STXBP5L: variants seen among roughly 807,000 people sequenced by gnomAD.
STXBP5L encodes syntaxin binding protein 5L.
In STXBP5L, 65 loss-of-function variants were observed where a neutral mutation model predicts 144.5. The ratio of observed to expected loss-of-function variants is 0.45; its 90% CI spans 0.37 to 0.55. The LOEUF (loss-of-function observed/expected upper bound fraction) is 0.55, where lower values mean the gene tolerates loss of function less well. STXBP5L is among the 20% of genes least tolerant of loss of function. The pLI is 0.00. For missense variants in STXBP5L, 1,298 were observed against 1,405.5 expected (o/e 0.92, Z 1.22); for synonymous variants, 505 against 469.6 (o/e 1.08, Z -0.97).
At chr3:121,096,898 A>C (rs764986013) in intron 5 of STXBP5L, among the ~76,000 whole-genome samples, 7 of 152,162 alleles carry the variant, frequency 4.6e-5, no homozygotes, top group Non-Finnish European at 7.3e-5. Flanking sequence ...TGCTCTCTTC[A>C]GAGCTGTCAG....
At chr3:121,102,748 AC>A (rs1444189206) in intron 5 of STXBP5L, among the ~76,000 whole-genome samples, 4 of 152,130 alleles carry the variant, frequency 2.6e-5, no homozygotes, top group Non-Finnish European at 4.4e-5. Context: ...ATAAACTGTC[AC>A]CAGAAGAAAC....
chr3:121,293,471 CATTA>C (rs2051524482), intron 19 of STXBP5L, among the ~76,000 whole-genome samples: 1 of 151,884 alleles, frequency 6.6e-6, no homozygotes, highest in Non-Finnish European at 1.5e-5. Context: ...ATTTTATAAA[CATTA>C]ATTAAACCTT....
intron 9 of STXBP5L, among the ~76,000 whole-genome samples, chr3:121,183,727 G>A (rs891035449): frequency 1.3e-5 from 2 of 152,068 alleles, no homozygotes; most frequent in African/African-American, 4.8e-5. Flanking sequence ...GAAAGAGAAA[G>A]TCTCCTCAAG....
chr3:121,166,613 G>T (rs1045009956), intron 9 of STXBP5L, among the ~76,000 whole-genome samples: 4 of 152,134 alleles, frequency 2.6e-5, no homozygotes, highest in Admixed American at 1.3e-4. Flanking sequence ...CTATTCTAAT[G>T]TCTGCATTTA....
chr3:120,908,565 G>C (rs1174860356), intron 1 of STXBP5L, among the ~76,000 whole-genome samples: 1 of 151,750 alleles, frequency 6.6e-6, no homozygotes, highest in Non-Finnish European at 1.5e-5. Flanking sequence ...TCGGCGTGAG[G>C]TGTTTGTGTG....
chr3:121,104,243 T>G (rs1053000904), intron 5 of STXBP5L, among the ~76,000 whole-genome samples: 7 of 152,010 alleles, frequency 4.6e-5, no homozygotes, highest in Non-Finnish European at 8.8e-5. Context: ...AATCAAGAAA[T>G]AATAGAATAC....
chr3:121,362,382 G>A (rs937556656), intron 20 of STXBP5L, among the ~76,000 whole-genome samples: 4 of 152,130 alleles, frequency 2.6e-5, no homozygotes, highest in Admixed American at 6.6e-5. Context: ...GGGTGGCAAG[G>A]CCCCCTAGGT....
At chr3:121,155,246 C>A (rs1577074556) in intron 8 of STXBP5L, among the ~76,000 whole-genome samples, 1 of 151,800 alleles carries the variant, frequency 6.6e-6, no homozygotes, top group Non-Finnish European at 1.5e-5. Flanking sequence ...TCTACACATT[C>A]CCCACATTTC....
chr3:121,187,407 G>C (rs917026234), intron 9 of STXBP5L, among the ~76,000 whole-genome samples: 1 of 144,698 alleles, frequency 6.9e-6, no homozygotes, highest in Non-Finnish European at 1.5e-5. Context: ...GTTGTAGGGT[G>C]GGGGGAGCGG....
intron 2 of STXBP5L, among the ~76,000 whole-genome samples, chr3:120,941,285 TCTA>T (rs1710553910): frequency 1.3e-5 from 2 of 151,810 alleles, no homozygotes; most frequent in South Asian, 4.1e-4. Context: ...TAAAGAATAA[TCTA>T]CTTTTAATCT....
At chr3:121,077,402 G>C (rs1267495086) in intron 5 of STXBP5L, among the ~76,000 whole-genome samples, 1 of 152,090 alleles carries the variant, frequency 6.6e-6, no homozygotes, top group African/African-American at 2.4e-5. Flanking sequence ...CTGATGTTTG[G>C]ATGTGTTCGG....
intron 18 of STXBP5L, among the ~76,000 whole-genome samples, chr3:121,264,332 A>G (rs1277506977): frequency 6.6e-6 from 1 of 152,214 alleles, no homozygotes; most frequent in African/African-American, 2.4e-5. Flanking sequence ...TTCTTCTCCA[A>G]CTGTGAGCTT....
chr3:121,097,112 C>T (rs1559740334), intron 5 of STXBP5L, among the ~76,000 whole-genome samples: 1 of 152,332 alleles, frequency 6.6e-6, no homozygotes, highest in East Asian at 1.9e-4. Context: ...AACTTCCTGG[C>T]TGCTTTGTTT....
At chr3:120,913,178 G>A (rs1028617004) in intron 2 of STXBP5L, among the ~76,000 whole-genome samples, 1 of 151,884 alleles carries the variant, frequency 6.6e-6, no homozygotes, top group African/African-American at 2.4e-5. Flanking sequence ...TTAAAAATCT[G>A]TCACTGCCGT....
chr3:121,006,764 A>T (rs1015605218), intron 3 of STXBP5L, among the ~76,000 whole-genome samples: 7 of 152,104 alleles, frequency 4.6e-5, no homozygotes, highest in African/African-American at 1.7e-4. Context: ...AAAATCTCTC[A>T]GCATTTGCTT....
At chr3:120,930,766 G>T (rs1256900149) in intron 2 of STXBP5L, among the ~76,000 whole-genome samples, 1 of 151,684 alleles carries the variant, frequency 6.6e-6, no homozygotes, top group Non-Finnish European at 1.5e-5. Context: ...GTATTCCTTT[G>T]TCATATATTA....
intron 19 of STXBP5L, among the ~76,000 whole-genome samples, chr3:121,301,719 C>T (rs944231571): frequency 6.6e-6 from 1 of 152,162 alleles, no homozygotes; most frequent in African/African-American, 2.4e-5. Flanking sequence ...AGATATGTCC[C>T]ATCAATACCT....
At chr3:121,030,329 C>T (rs1445691790) in intron 3 of STXBP5L, among the ~76,000 whole-genome samples, 1 of 152,074 alleles carries the variant, frequency 6.6e-6, no homozygotes, top group Non-Finnish European at 1.5e-5. Flanking sequence ...TGCATATATA[C>T]CATGGAATAT....
intron 10 of STXBP5L, among the ~76,000 whole-genome samples, chr3:121,218,422 C>G (rs2048869934): frequency 6.7e-6 from 1 of 148,866 alleles, no homozygotes; most frequent in Non-Finnish European, 1.5e-5. Context: ...TATTACTAAA[C>G]AAATGCGATT....
Sources: allele counts gnomAD v4.1 joint callset (sites outside exome capture counted in the v4.1 genomes callset), GRCh38; gene constraint gnomAD v4.1.1; transcripts MANE v1.5; gene names NCBI Gene and HGNC (gene_info 2026-07-23, HGNC 2026-07-21).